Variants in IBTK observed in about 807,000 individuals in gnomAD.
IBTK encodes inhibitor of Bruton tyrosine kinase.
IBTK carries 83 observed loss-of-function variants against 154.9 expected under a neutral mutation model. That is an observed-to-expected ratio of 0.54 (90% CI 0.45 to 0.64). The LOEUF is 0.64. Among genes scored for constraint, IBTK ranks in the 30% least tolerant of loss-of-function variants. The probability of loss-of-function intolerance (pLI) is 0.00; values close to 1 mark genes in which losing one functional copy is unlikely to be tolerated. For missense variants in IBTK, 1,332 were observed against 1,584.6 expected, an observed-to-expected ratio of 0.84 and a Z score of 2.71; for synonymous variants, 515 against 536.1, an observed-to-expected ratio of 0.96 and a Z score of 0.54.
chr6:82,218,430 T>A (rs927397755), intron 9 of IBTK, among the ~76,000 whole-genome samples: 5 of 152,176 alleles, frequency 3.3e-5, no homozygotes, highest in African/African-American at 1.2e-4. Context: ...GGCAAACAGA[T>A]GTGCTACAAT....
chr6:82,216,065 T>A lies in IBTK; in HGVS notation c.1601+11A>T. On this transcript the variant is annotated intron_variant, in intron 11 of 28. Transcript: ENST00000306270. The stretch of plus-strand genomic sequence containing the variant: ...CTTCTAAAAAATGAAATTTAATATA[T>A]ACAAGTATACCTTGTTTTAGGATCT... The A allele has an allele frequency of 6.3e-7, 1 of 1,580,680 alleles. No homozygotes were observed. Among genetic ancestry groups the A allele is most frequent in the South Asian group, 1.2e-5 (1 of 86,046 alleles).
At chr6:82,205,006 T>G in intron 16 of IBTK, 48 bp from the exon 17 acceptor site, 1 of 1,221,180 alleles carries the variant, frequency 8.2e-7, no homozygotes, top group Non-Finnish European at 1.1e-6. Context: ...GTATACATTA[T>G]ACCTAGAAAA....
chr6:82,171,542 G>A lies in IBTK; in HGVS notation c.3945C>T (p.Ala1315=), dbSNP rs1767929268. ...CATAGAAAACCAATAAATCTTGTATGGCATGCTCCTCAATCTGAAAGGAGG... is the reference window on the plus strand; with the variant it reads ...CATAGAAAACCAATAAATCTTGTATAGCATGCTCCTCAATCTGAAAGGAGG... ...PLALIQIEEH[A]IQDLLVFYEA... The change falls in exon 29 of 29, where the codon GCC becomes GCT. Residue 1315 remains alanine, a synonymous_variant. Coordinates refer to ENST00000306270, the MANE Select transcript of IBTK (RefSeq NM_015525.4). 6.2e-7 allele frequency: 1 copy of A among 1,601,774 alleles called. No individual in the cohort carries two copies. The highest frequency in any genetic ancestry group is 1.3e-5 in the African/African-American group (1 of 74,662).
intron 1 of IBTK, among the ~76,000 whole-genome samples, chr6:82,242,904 T>G (rs1177254793): frequency 6.7e-6 from 1 of 149,872 alleles, no homozygotes; most frequent in African/African-American, 2.5e-5. Flanking sequence ...GCCACCGCAC[T>G]CCAGTCTGGT....
chr6:82,176,866 CCT>C (rs1277831560), intron 26 of IBTK, among the ~76,000 whole-genome samples: 1 of 152,260 alleles, frequency 6.6e-6, no homozygotes, highest in African/African-American at 2.4e-5. Context: ...CCCACGATTT[CCT>C]CTGTTTATAC....
intron 26 of IBTK, among the ~76,000 whole-genome samples, chr6:82,174,633 T>G (rs1207508049): frequency 1.3e-5 from 2 of 152,092 alleles, no homozygotes; most frequent in Admixed American, 1.3e-4. Flanking sequence ...GAGTACAAAA[T>G]GCACTGAAAG....
At chr6:82,173,857 T>C (rs1466357123) in intron 26 of IBTK, among the ~76,000 whole-genome samples, 2 of 151,968 alleles carry the variant, frequency 1.3e-5, no homozygotes, top group Non-Finnish European at 2.9e-5. Context: ...CAAAATGACA[T>C]ATAAAATAAC....
At chr6:82,203,137 G>A (rs1009890219) in intron 17 of IBTK, among the ~76,000 whole-genome samples, 113 of 152,026 alleles carry the variant, frequency 7.4e-4, no homozygotes, top group African/African-American at 2.7e-3. Context: ...ATATATACAT[G>A]TAAGTATATA....
chr6:82,240,530 ATTTT>A lies in IBTK; in HGVS notation c.-48_-45del. On this transcript the variant is annotated 5_prime_UTR_variant, in exon 2 of 29. Transcript: ENST00000306270. ...ACTTACTTCAGAATCGTGAAAACTA[ATTTT>A]AAAAAATGAAAAAGCCAGGACACAA... The A allele has an allele frequency of 6.6e-7, 1 of 1,520,588 alleles. No homozygotes were observed. Among genetic ancestry groups the A allele is most frequent in the Non-Finnish European group, 8.9e-7 (1 of 1,125,858 alleles). 94.2% of individuals were successfully genotyped at this position (1,520,588 alleles called of 1,614,324 possible). A position where few individuals can be genotyped will look rare whatever the true frequency, so the allele number is the denominator to read the frequency against.
intron 4 of IBTK, among the ~76,000 whole-genome samples, chr6:82,228,970 A>C (rs1368169563): frequency 1.3e-5 from 2 of 152,056 alleles, no homozygotes; most frequent in Admixed American, 6.6e-5. Context: ...TTTCGCTTTT[A>C]ATTATCTGGA....
chr6:82,214,177 A>C (rs773949459), intron 12 of IBTK, 50 bp downstream of exon 12: 22 of 1,514,552 alleles, frequency 1.5e-5, no homozygotes, highest in Non-Finnish European at 1.9e-5. Flanking sequence ...GAAATTTTTT[A>C]AAGGAGGACT....
chr6:82,176,727 CT>C (rs1768132569), intron 26 of IBTK, among the ~76,000 whole-genome samples: 1 of 151,944 alleles, frequency 6.6e-6, no homozygotes, highest in Admixed American at 6.6e-5. Flanking sequence ...TTGCCCTAAC[CT>C]TGGAAAAAAA....
At chr6:82,202,817 T>C (rs191791001) in intron 17 of IBTK, among the ~76,000 whole-genome samples, 172 bp from the exon 18 acceptor site, 1 of 152,272 alleles carries the variant, frequency 6.6e-6, no homozygotes, top group East Asian at 1.9e-4. Flanking sequence ...TCCATCCCAA[T>C]ATGCCAAAGT....
At chr6:82,216,035 T>A in intron 11 of IBTK, 41 bp downstream of exon 11, 2 of 1,466,874 alleles carry the variant, frequency 1.4e-6, no homozygotes, top group Non-Finnish European at 1.9e-6. Flanking sequence ...ATTCAGTGAT[T>A]GTTCCTTCTA....
chr6:82,193,243 A>G (rs974580102), intron 23 of IBTK, among the ~76,000 whole-genome samples: 1 of 152,182 alleles, frequency 6.6e-6, no homozygotes, highest in Non-Finnish European at 1.5e-5. Flanking sequence ...ATATGTCAAT[A>G]TTGAGAATGT....
chr6:82,196,474 A>G (rs1293482365), intron 21 of IBTK, 28 bp from the exon 22 acceptor site: 1 of 1,509,098 alleles, frequency 6.6e-7, no homozygotes, highest in Admixed American at 1.8e-5. Context: ...AAAAAATTAA[A>G]CACATATGCA....
rs149695576 is a variant in IBTK at position 82,191,145 on chromosome 6, T to C, written c.3503A>G (p.Asn1168Ser). 3.3e-4 allele frequency: 539 copies of C among 1,609,462 alleles called. No individual in the cohort carries two copies. Among genetic ancestry groups the C allele is most frequent in the Non-Finnish European group, 4.3e-4 (503 of 1,177,662 alleles). Residue 1168 changes from asparagine (N) to serine (S), a missense_variant, in exon 25 of 29, where the codon AAC becomes AGC. This residue lies in a region of IBTK where 1,134 missense variants were observed against 1,274.7 expected (regional missense o/e 0.89). Transcript: ENST00000306270. ...TTCCATGCTATTCATTCCTGAATTGTTTTCCTTGGTAGTCAATGCAATCAT... is the reference window on the plus strand; with the variant it reads ...TTCCATGCTATTCATTCCTGAATTGCTTTCCTTGGTAGTCAATGCAATCAT... ...RKMIALTTKE[N>S]NSGMNSMETV...
chr6:82,214,194 G>A, intron 12 of IBTK, 33 bp downstream of exon 12: 3 of 1,552,512 alleles, frequency 1.9e-6, no homozygotes, highest in Non-Finnish European at 2.6e-6. Context: ...GACTGAATGA[G>A]GTACAGGAAC....
At position 82,181,966 on chromosome 6, in the gene IBTK, T is replaced by A; in HGVS notation, c.3638A>T (p.Lys1213Met). The A allele has an allele frequency of 6.2e-7, 1 of 1,605,688 alleles. No homozygotes were observed. The highest frequency in any genetic ancestry group is 8.5e-7 in the Non-Finnish European group (1 of 1,177,836). ...GCCTGAACTATGGCTAGTAACAGAC[T>A]TTTTTTCTTCTAGTAAGAAATCCCG... is the stretch of plus-strand genomic sequence containing the variant. ...SFRDFLLEEK[K>M]SVTSHSSGDH... is the part of the protein sequence containing the mutation. The change falls in exon 26 of 29, where the codon AAG (lysine) becomes ATG (methionine). Residue 1213 changes from lysine (K) to methionine (M), a missense_variant. Lys to Met is a moderately conservative substitution (Grantham distance 95, BLOSUM62 -1). Coordinates refer to ENST00000306270, the MANE Select transcript of IBTK (RefSeq NM_015525.4).
Sources: allele counts gnomAD v4.1 joint callset (sites outside exome capture counted in the v4.1 genomes callset), GRCh38; gene constraint gnomAD v4.1.1; regional missense constraint gnomAD v4.1.1; transcripts MANE v1.5; gene names NCBI Gene and HGNC (gene_info 2026-07-23, HGNC 2026-07-21).